The following KLF12 variants were observed in gnomAD, a reference collection of about 807,000 sequenced individuals.
KLF12 encodes Krueppel-like factor 12.
Under a neutral mutation model 37.8 loss-of-function variants are expected in KLF12, and 9 were observed. The ratio of observed to expected loss-of-function variants is 0.24; its 90% CI spans 0.14 to 0.42. The LOEUF (loss-of-function observed/expected upper bound fraction) is 0.42. Among genes scored for constraint, KLF12 ranks in the 10% least tolerant of loss-of-function variants. The pLI is 1.00. For missense variants in KLF12, 411 were observed against 516.0 expected (o/e 0.80, Z 1.97); for synonymous variants, 208 against 202.1 (o/e 1.03, Z -0.25).
At chr13:74,234,746 G>A in the KLF12 span, among the ~76,000 whole-genome samples, 11 of 136,118 alleles carry the variant, frequency 8.1e-5, no homozygotes, top group South Asian at 2.2e-4. Flanking sequence ...CCTCTTATTC[G>A]GAAAAAAAAA....
intron 7 of KLF12, among the ~76,000 whole-genome samples, chr13:73,711,416 C>T (rs1297587888): frequency 2.0e-5 from 3 of 152,200 alleles, no homozygotes; most frequent in African/African-American, 7.2e-5. Context: ...CAGATGGACT[C>T]TTGTTAGGGA....
chr13:73,962,589 G>A (rs77489423), intron 2 of KLF12, among the ~76,000 whole-genome samples: 5,585 of 152,260 alleles, frequency 0.037, 323 homozygotes, highest in African/African-American at 0.13. Flanking sequence ...GGGATGAGGG[G>A]TAGATGGGAA....
At chr13:74,260,088 C>G in the KLF12 span, 1 of 152,078 alleles carries the variant, frequency 6.6e-6, no homozygotes, top group Non-Finnish European at 1.5e-5. Flanking sequence ...ATACAAAGTA[C>G]TTCATACAGT....
chr13:73,872,256 C>A (rs1886507961), intron 3 of KLF12, among the ~76,000 whole-genome samples: 1 of 152,164 alleles, frequency 6.6e-6, no homozygotes, highest in Non-Finnish European at 1.5e-5. Context: ...GTCAGCACCA[C>A]CCACTTTCAC....
chr13:73,981,483 CAAT>C (rs530910690), intron 2 of KLF12, among the ~76,000 whole-genome samples: 17 of 152,048 alleles, frequency 1.1e-4, no homozygotes, highest in African/African-American at 2.2e-4. Context: ...TCAAAAACAA[CAAT>C]GTCAAGTAAA....
At chr13:74,241,867 C>T in the KLF12 span, among the ~76,000 whole-genome samples, 3 of 152,162 alleles carry the variant, frequency 2.0e-5, no homozygotes, top group African/African-American at 7.2e-5. Flanking sequence ...TGAGATGAAC[C>T]CGGTACCTCA....
chr13:73,990,980 A>G (rs979814894), intron 2 of KLF12, among the ~76,000 whole-genome samples: 2 of 152,184 alleles, frequency 1.3e-5, no homozygotes, highest in Non-Finnish European at 2.9e-5. Flanking sequence ...GCATGCTTTA[A>G]TGGTTTTAAA....
intron 2 of KLF12, among the ~76,000 whole-genome samples, chr13:73,984,258 C>A (rs1024858321): frequency 1.3e-5 from 2 of 152,150 alleles, no homozygotes; most frequent in African/African-American, 2.4e-5. Context: ...GCCACCCTGG[C>A]GGGACTCGGG....
At chr13:74,119,319 G>T (rs777386681) in intron 1 of KLF12, among the ~76,000 whole-genome samples, 1 of 142,616 alleles carries the variant, frequency 7.0e-6, no homozygotes, top group Non-Finnish European at 1.6e-5. Context: ...GTGACACAGC[G>T]AGACTCTTAT....
chr13:73,958,648 T>C (rs1890924046), intron 2 of KLF12, among the ~76,000 whole-genome samples: 1 of 152,160 alleles, frequency 6.6e-6, no homozygotes, highest in Non-Finnish European at 1.5e-5. Flanking sequence ...TTGTATTCTA[T>C]ATCTCTTGGA....
At chr13:74,047,098 C>A (rs1010775815) in intron 1 of KLF12, among the ~76,000 whole-genome samples, 1 of 152,074 alleles carries the variant, frequency 6.6e-6, no homozygotes, top group Non-Finnish European at 1.5e-5. Context: ...TTCCGAGAAT[C>A]CTCTCCAACC....
intron 7 of KLF12, among the ~76,000 whole-genome samples, chr13:73,708,399 T>A (rs1046516950): frequency 1.3e-5 from 2 of 152,166 alleles, no homozygotes; most frequent in East Asian, 3.8e-4. Flanking sequence ...GCAAAAAAAA[T>A]TTGATTTTAT....
chr13:73,736,861 G>A (rs988550824), intron 6 of KLF12, among the ~76,000 whole-genome samples: 1 of 152,112 alleles, frequency 6.6e-6, no homozygotes, highest in Non-Finnish European at 1.5e-5. Context: ...ACAAAACCCA[G>A]GGGAAAATTA....
In KLF12 at chr13:73,694,411, C is replaced by A. The variant is rs1873994402; in HGVS notation, c.*1079G>T. ...AATGCTGGGGTGTTTTTTACAATCCCTTTAGTAAGTATGAAAATTGGTAAC... is the reference window on the plus strand; with the variant it reads ...AATGCTGGGGTGTTTTTTACAATCCATTTAGTAAGTATGAAAATTGGTAAC... On this transcript the variant is annotated 3_prime_UTR_variant, in exon 8 of 8. Transcript: ENST00000377669. 1 of 152,576 alleles carries A rather than the reference C, an allele frequency of 6.6e-6. No individual in the cohort carries two copies. The highest frequency in any genetic ancestry group is 1.5e-5 in the Non-Finnish European group (1 of 68,026). The allele number at this position is 152,576 out of a possible 1,614,324, so 9.5% of individuals were successfully genotyped here.
At chr13:73,830,451 A>G (rs911652065) in intron 4 of KLF12, among the ~76,000 whole-genome samples, 8 of 152,218 alleles carry the variant, frequency 5.3e-5, no homozygotes, top group Non-Finnish European at 1.0e-4. Context: ...TATTCTCCAT[A>G]ACCAAACACA....
rs368392859 is a variant in KLF12 at position 73,705,563 on chromosome 13, G to C, written c.1027+9805C>G. Among the ~76,000 whole-genome samples, 41 of 152,338 alleles carry C rather than the reference G, an allele frequency of 2.7e-4. 5 individuals are homozygous for C. Among genetic ancestry groups the C allele is most frequent in the Admixed American group, 1.7e-3 (26 of 15,296 alleles). ...GCTAGGATTACAGGTGTAAGCCAATGTGTCCAATCCTATTTTTATATATTC... is the reference window on the plus strand; with the variant it reads ...GCTAGGATTACAGGTGTAAGCCAATCTGTCCAATCCTATTTTTATATATTC... On this transcript the variant is annotated intron_variant, in intron 7 of 7. Transcript: ENST00000377669.
intron 1 of KLF12, among the ~76,000 whole-genome samples, chr13:74,080,667 A>G (rs1264127221): frequency 6.6e-6 from 1 of 152,220 alleles, no homozygotes; most frequent in Non-Finnish European, 1.5e-5. Context: ...ATGGCTCCAC[A>G]ATCAACAGAG....
At chr13:74,098,829 T>C (rs1876133566) in intron 1 of KLF12, among the ~76,000 whole-genome samples, 2 of 152,232 alleles carry the variant, frequency 1.3e-5, no homozygotes, top group Admixed American at 1.3e-4. Context: ...TTAACCATTA[T>C]TAAGCAATTA....
intron 6 of KLF12, among the ~76,000 whole-genome samples, chr13:73,759,733 A>G (rs1314626466): frequency 6.6e-6 from 1 of 152,068 alleles, no homozygotes; most frequent in Non-Finnish European, 1.5e-5. Flanking sequence ...GGGGGCCTCC[A>G]TTTGTAAGGT....
Sources: allele counts gnomAD v4.1 joint callset (sites outside exome capture counted in the v4.1 genomes callset), GRCh38; gene constraint gnomAD v4.1.1; transcripts MANE v1.5; gene names NCBI Gene and HGNC (gene_info 2026-07-23, HGNC 2026-07-21).